Variants in SCML4 observed in about 807,000 individuals in gnomAD.
SCML4 encodes the protein sex comb on midleg-like protein 4.
In SCML4, 34 loss-of-function variants were observed where a neutral mutation model predicts 41.1. That is an observed-to-expected ratio of 0.83 (90% confidence interval 0.63 to 1.10). The LOEUF (loss-of-function observed/expected upper bound fraction) is 1.10, where lower values mean the gene tolerates loss of function less well. Among genes scored for constraint, SCML4 ranks in the 50% least tolerant of loss-of-function variants. The probability of loss-of-function intolerance (pLI) is 0.00; values close to 1 mark genes in which losing one functional copy is unlikely to be tolerated. For missense variants in SCML4, 522 were observed against 534.1 expected (o/e 0.98, Z 0.22); for synonymous variants, 214 against 220.9 (o/e 0.97, Z 0.28).
intron 5 of SCML4, among the ~76,000 whole-genome samples, chr6:107,729,659 C>T (rs970685032): frequency 6.6e-6 from 1 of 152,180 alleles, no homozygotes; most frequent in Non-Finnish European, 1.5e-5. Flanking sequence ...TTCACTGATA[C>T]AGTATGATTG....
the SCML4 span, among the ~76,000 whole-genome samples, chr6:107,836,552 C>T: frequency 6.6e-6 from 1 of 152,200 alleles, no homozygotes; most frequent in Non-Finnish European, 1.5e-5. Context: ...CTGGGCTTCC[C>T]AAGCAACACC....
chr6:107,840,840 G>T, the SCML4 span, among the ~76,000 whole-genome samples: 1 of 152,126 alleles, frequency 6.6e-6, no homozygotes, highest in African/African-American at 2.4e-5. Flanking sequence ...TGGGACGGGG[G>T]TAAGGTGGTA....
chr6:107,740,820 A>C (rs761526804), intron 5 of SCML4, among the ~76,000 whole-genome samples: 1 of 152,242 alleles, frequency 6.6e-6, no homozygotes, highest in Non-Finnish European at 1.5e-5. Flanking sequence ...AATCAGCTTT[A>C]AACATCGGCT....
chr6:107,727,110 A>T (rs1776062515), intron 5 of SCML4, among the ~76,000 whole-genome samples: 1 of 152,232 alleles, frequency 6.6e-6, no homozygotes, highest in Non-Finnish European at 1.5e-5. Context: ...TTACAGTGTG[A>T]ATGATCCTTG....
chr6:107,753,503 G>T (rs1778860160), intron 2 of SCML4, among the ~76,000 whole-genome samples: 1 of 152,186 alleles, frequency 6.6e-6, no homozygotes, highest in South Asian at 2.1e-4. Context: ...AGTGGGTAGA[G>T]AGTTTGAATT....
At chr6:107,792,968 G>A (rs1477933300) in intron 1 of SCML4, among the ~76,000 whole-genome samples, 1 of 152,160 alleles carries the variant, frequency 6.6e-6, no homozygotes, top group East Asian at 1.9e-4. Flanking sequence ...ACTTGCTTCT[G>A]GGGGTAAGAA....
intron 2 of SCML4, among the ~76,000 whole-genome samples, chr6:107,750,966 A>G (rs1468952061): frequency 6.6e-6 from 1 of 152,190 alleles, no homozygotes; most frequent in African/African-American, 2.4e-5. Flanking sequence ...GTCATGGAGA[A>G]ATAGTATTTG....
intron 5 of SCML4, among the ~76,000 whole-genome samples, chr6:107,724,232 C>G (rs190467859): frequency 5.1e-4 from 78 of 152,224 alleles, no homozygotes; most frequent in African/African-American, 1.8e-3. Flanking sequence ...TGGATGCTGT[C>G]CCCCAAGATC....
intron 7 of SCML4, among the ~76,000 whole-genome samples, chr6:107,707,280 C>T (rs1451328924): frequency 6.6e-6 from 1 of 152,166 alleles, no homozygotes. Flanking sequence ...TGCATTCCAG[C>T]CTGGGCGACA....
Position 107,772,205 on chromosome 6 carries a change from G to A in SCML4, c.123C>T (p.Ile41=), listed in dbSNP as rs1353884852. The change falls in exon 2 of 8, where the codon ATC becomes ATT. Residue 41 remains isoleucine, a synonymous_variant. Coordinates refer to ENST00000369020, the MANE Select transcript of SCML4 (RefSeq NM_198081.5). ...ASAGSLPAVK[I]PKKRGRKPGY... is the part of the protein sequence containing the mutation. ...CGGGTTTCCGCCCTCTTTTCTTTGG[G>A]ATCTTCACTGCTGGTAAAGAGCCAG... 6.4e-7 allele frequency: 1 copy of A among 1,551,334 alleles called. No individual in the cohort carries two copies. Among genetic ancestry groups the A allele is most frequent in the South Asian group, 1.2e-5 (1 of 84,012 alleles).
chr6:107,814,159 A>C (rs1784402050), intron 1 of SCML4, among the ~76,000 whole-genome samples: 1 of 152,240 alleles, frequency 6.6e-6, no homozygotes, highest in South Asian at 2.1e-4. Flanking sequence ...CATGGAAGGA[A>C]TGTCAAAGAA....
chr6:107,794,122 G>A (rs1477206902), intron 1 of SCML4, among the ~76,000 whole-genome samples: 1 of 152,124 alleles, frequency 6.6e-6, no homozygotes, highest in Non-Finnish European at 1.5e-5. Context: ...GGACCCAAGG[G>A]GCAGAGGTAG....
chr6:107,845,151 G>T, the SCML4 span, among the ~76,000 whole-genome samples: 1 of 152,016 alleles, frequency 6.6e-6, no homozygotes. Flanking sequence ...CAGGAGAATC[G>T]CTTGAACCCA....
At chr6:107,731,162 A>C (rs1405469379) in intron 5 of SCML4, among the ~76,000 whole-genome samples, 1 of 152,208 alleles carries the variant, frequency 6.6e-6, no homozygotes, top group Non-Finnish European at 1.5e-5. Flanking sequence ...AGAAAGTCCC[A>C]AAACAGAGCG....
intron 1 of SCML4, among the ~76,000 whole-genome samples, chr6:107,822,498 T>C (rs1343710735): frequency 1.3e-5 from 1 of 76,222 alleles, no homozygotes; most frequent in Non-Finnish European, 2.4e-5. Flanking sequence ...CTCTTTTCTT[T>C]TTTTCTTTTC....
At chr6:107,838,283 C>T in the SCML4 span, among the ~76,000 whole-genome samples, 321 of 152,282 alleles carry the variant, frequency 2.1e-3, 2 homozygotes, top group Non-Finnish European at 3.7e-3. Flanking sequence ...GGGCTCACCA[C>T]ACCTGGTCAG....
the SCML4 span, among the ~76,000 whole-genome samples, chr6:107,840,929 G>A: frequency 6.6e-6 from 1 of 152,006 alleles, no homozygotes; most frequent in African/African-American, 2.4e-5. Flanking sequence ...CCTCAGAGTG[G>A]GAGTAACGTT....
In SCML4 at chr6:107,746,899, C is replaced by G. The variant is rs753083186; in HGVS notation, c.287-10G>C. 1.2e-5 allele frequency: 19 copies of G among 1,606,938 alleles called. No individual in the cohort carries two copies. The highest frequency in any genetic ancestry group is 1.5e-5 in the Non-Finnish European group (18 of 1,175,478). ...TTGATGTAGAGGCAGACTGCGGAGA[C>G]AGAGGTCACAAAGCCCTCGGCATCA... On this transcript the variant is annotated splice_polypyrimidine_tract_variant and intron_variant, in intron 3 of 7. Transcript: ENST00000369020.
chr6:107,778,264 T>A (rs1272684947), intron 1 of SCML4, among the ~76,000 whole-genome samples: 4 of 123,596 alleles, frequency 3.2e-5, no homozygotes, highest in East Asian at 4.1e-4. Context: ...TATATATATA[T>A]AACTTGAGAA....
Sources: gnomAD v4.1 joint callset for allele counts (sites outside exome capture counted in the v4.1 genomes callset) on GRCh38, gnomAD v4.1.1 for gene constraint, MANE v1.5 for transcripts, NCBI Gene and HGNC (gene_info 2026-07-23, HGNC 2026-07-21) for gene names.